The following CSMD3 variants were observed in gnomAD, a reference collection of about 807,000 sequenced individuals.
CSMD3 encodes CUB and sushi domain-containing protein 3.
A neutral mutation model predicts 435.2 loss-of-function variants in CSMD3; 177 were observed. The ratio of observed to expected loss-of-function variants is 0.41; its 90% CI spans 0.36 to 0.46. The LOEUF (loss-of-function observed/expected upper bound fraction) is 0.46, where lower values mean the gene tolerates loss of function less well. Ranked by LOEUF, CSMD3 falls within the 20% of genes least tolerant of loss-of-function variation. The pLI is 0.34. For missense variants in CSMD3, 4,265 were observed against 4,504.6 expected (o/e 0.95, Z 1.52); for synonymous variants, 1,656 against 1,520.5 (o/e 1.09, Z -2.07).
intron 38 of CSMD3, among the ~76,000 whole-genome samples, chr8:112,352,767 A>G (rs1427453699): frequency 6.6e-6 from 1 of 152,180 alleles, no homozygotes; most frequent in African/African-American, 2.4e-5. Context: ...TCATTAAGCT[A>G]GCTGTGTGAA....
chr8:112,455,326 T>C (rs768474563), intron 32 of CSMD3, among the ~76,000 whole-genome samples: 5 of 151,708 alleles, frequency 3.3e-5, no homozygotes, highest in Non-Finnish European at 7.4e-5. Context: ...CCTAAGCAAT[T>C]TAATGTAGGA....
At chr8:112,666,161 CA>C in intron 17 of CSMD3, 115 bp downstream of exon 17, 1 of 846,036 alleles carries the variant, frequency 1.2e-6, no homozygotes, top group Non-Finnish European at 2.0e-6. Context: ...GCATTCAAAG[CA>C]CAGCAATTGA....
intron 13 of CSMD3, among the ~76,000 whole-genome samples, chr8:112,790,138 T>C (rs944196649): frequency 2.0e-5 from 3 of 152,100 alleles, no homozygotes; most frequent in African/African-American, 7.2e-5. Context: ...ATGTATAGTA[T>C]AGGATCTCTG....
At chr8:112,243,133 A>G (rs1268447667) in intron 65 of CSMD3, among the ~76,000 whole-genome samples, 1 of 152,088 alleles carries the variant, frequency 6.6e-6, no homozygotes, top group East Asian at 1.9e-4. Flanking sequence ...ATTATATTCT[A>G]GTTGAAGAGG....
At chr8:112,681,141 T>G (rs1216708674) in intron 16 of CSMD3, among the ~76,000 whole-genome samples, 1 of 151,684 alleles carries the variant, frequency 6.6e-6, no homozygotes, top group Non-Finnish European at 1.5e-5. Context: ...TTCAAGCGAT[T>G]CCCCTGCCTC....
At chr8:112,464,237 C>CCA (rs1817732282) in intron 32 of CSMD3, among the ~76,000 whole-genome samples, 1 of 81,224 alleles carries the variant, frequency 1.2e-5, no homozygotes, top group East Asian at 3.7e-4. Context: ...GACTCTGTTT[C>CCA]AAAAAAAAAA....
At chr8:113,359,312 A>G (rs1563742464) in intron 1 of CSMD3, among the ~76,000 whole-genome samples, 1 of 152,312 alleles carries the variant, frequency 6.6e-6, no homozygotes, top group East Asian at 1.9e-4. Context: ...CAAGTTTTTC[A>G]TCTGAAAAGT....
intron 13 of CSMD3, among the ~76,000 whole-genome samples, chr8:112,762,008 A>C (rs2077850892): frequency 1.3e-5 from 2 of 152,008 alleles, no homozygotes; most frequent in Admixed American, 6.6e-5. Context: ...ATGCTTGAAA[A>C]GTTGTTATTA....
intron 22 of CSMD3, among the ~76,000 whole-genome samples, chr8:112,597,434 AG>A (rs1169715354): frequency 7.5e-6 from 1 of 133,488 alleles, no homozygotes; most frequent in African/African-American, 2.9e-5. Context: ...ATTCTACCAG[AG>A]GTACAAGGAG....
At position 112,947,874 on chromosome 8, in the gene CSMD3, T is replaced by C; in HGVS notation, c.1424A>G (p.Asn475Ser). 1 of 1,405,698 alleles carries C rather than the reference T, an allele frequency of 7.1e-7. No homozygotes were observed. The allele number at this position is 1,405,698 out of a possible 1,614,324, so 87.1% of individuals were successfully genotyped here. The change falls in exon 9 of 71, where the codon AAT becomes AGT. Residue 475 changes from asparagine to serine, a missense_variant. Coordinates refer to ENST00000297405, the MANE Select transcript of CSMD3 (RefSeq NM_198123.2). ...KDNSNKFSIL[N>S]EGGIKTASNL... ...GGAAGCTGTTTTAATACCTCCCTCA[T>C]TTACTGCAACAGCAGGGAAAAAAGA...
intron 5 of CSMD3, among the ~76,000 whole-genome samples, chr8:113,085,209 C>A (rs1234903835): frequency 1.3e-5 from 2 of 151,170 alleles, no homozygotes; most frequent in African/African-American, 4.9e-5. Flanking sequence ...GACTAATATT[C>A]AGAATATACA....
intron 66 of CSMD3, among the ~76,000 whole-genome samples, chr8:112,238,735 A>AATTTTTAAATTTATAATTTAAAAATTAT (rs1813836399): frequency 6.6e-6 from 1 of 151,816 alleles, no homozygotes; most frequent in Non-Finnish European, 1.5e-5. Flanking sequence ...AAAAATTATA[A>AATTTTTAAATTTATAATTTAAAAATTAT]GTGTTGAATT....
At chr8:112,500,484 A>G (rs1444118924) in intron 30 of CSMD3, among the ~76,000 whole-genome samples, 1 of 152,170 alleles carries the variant, frequency 6.6e-6, no homozygotes, top group African/African-American at 2.4e-5. Flanking sequence ...TCTCGATACT[A>G]GAAAATTAAG....
At chr8:112,384,898 C>A (rs912045020) in intron 36 of CSMD3, among the ~76,000 whole-genome samples, 5 of 152,216 alleles carry the variant, frequency 3.3e-5, no homozygotes, top group African/African-American at 1.2e-4. Context: ...GAAGAAAATA[C>A]TGCATTCAGC....
chr8:113,063,851 A>T (rs1268774385), intron 5 of CSMD3, among the ~76,000 whole-genome samples: 2 of 151,884 alleles, frequency 1.3e-5, no homozygotes, highest in East Asian at 3.8e-4. Flanking sequence ...TTCACAATGA[A>T]TTCAAATATT....
At position 112,228,755 on chromosome 8, in the gene CSMD3, C is replaced by G. The variant is rs2129833425; in HGVS notation, c.10964+1G>C. 6.3e-7 allele frequency: 1 copy of G among 1,596,772 alleles called. No individual in the cohort carries two copies. Among genetic ancestry groups the G allele is most frequent in the Non-Finnish European group, 8.6e-7 (1 of 1,165,202 alleles). Reference sequence around the variant, plus strand: ...TTGTAGTTAAAAATCAATGAGCTTACCTTTGTTTATAAAGATAAAATCCAA... The same window carrying G: ...TTGTAGTTAAAAATCAATGAGCTTAGCTTTGTTTATAAAGATAAAATCCAA... On this transcript the variant is annotated splice_donor_variant, in intron 70 of 70. Transcript: ENST00000297405. LOFTEE classifies it high-confidence loss of function.
chr8:112,247,377 GC>G (rs1343139743), intron 63 of CSMD3, among the ~76,000 whole-genome samples: 2 of 152,000 alleles, frequency 1.3e-5, no homozygotes, highest in Non-Finnish European at 2.9e-5. Flanking sequence ...TAGAAACCAA[GC>G]TTTTTTGCCA....
At chr8:113,260,216 T>C (rs2093415917) in intron 3 of CSMD3, among the ~76,000 whole-genome samples, 1 of 152,148 alleles carries the variant, frequency 6.6e-6, no homozygotes, top group Non-Finnish European at 1.5e-5. Flanking sequence ...CAGGATTGAA[T>C]GAAGAAATGG....
At chr8:112,531,050 C>A (rs1825479183) in intron 27 of CSMD3, among the ~76,000 whole-genome samples, 2 of 152,150 alleles carry the variant, frequency 1.3e-5, no homozygotes, top group South Asian at 2.1e-4. Flanking sequence ...GCCTATGTCA[C>A]CCCTCCCCTA....
Sources: allele counts gnomAD v4.1 joint callset (sites outside exome capture counted in the v4.1 genomes callset), GRCh38; gene constraint gnomAD v4.1.1; transcripts MANE v1.5; gene names NCBI Gene and HGNC (gene_info 2026-07-23, HGNC 2026-07-21).